Variants in TFEB observed in about 807,000 individuals in gnomAD.
TFEB encodes transcription factor EB.
A neutral mutation model predicts 48.0 loss-of-function variants in TFEB; 12 were observed. That is an observed-to-expected ratio of 0.25 (90% confidence interval 0.16 to 0.40). The LOEUF is 0.40. Among genes scored for constraint, TFEB ranks in the 10% least tolerant of loss-of-function variants. The pLI is 1.00. For synonymous variants in TFEB, 244 were observed against 261.4 expected (o/e 0.93, Z 0.64); for missense variants, 509 against 640.3 (o/e 0.79, Z 2.21).
rs374861069 is a variant in TFEB at position 41,686,132 on chromosome 6, G to A, written c.909C>T (p.Arg303=). 8.7e-6 allele frequency: 14 copies of A among 1,614,244 alleles called. No individual in the cohort carries two copies. The highest frequency in any genetic ancestry group is 9.3e-6 in the Non-Finnish European group (11 of 1,180,044). Residue 303 remains arginine, a synonymous_variant, in exon 8 of 9, where the codon CGC becomes CGT. Transcript: ENST00000373033. ...GCTGCTTGTTGGTCATCTCCAGGCG[G>A]CGAGAGTGGTTCTCCAGCTCCCTGG... ...QKSRELENHS[R]RLEMTNKQLW... is the part of the protein sequence containing the mutation.
In TFEB at chr6:41,697,806, A is replaced by G. The variant is rs555462258; in HGVS notation, c.-22-6571T>C. 1.0e-3 allele frequency among the ~76,000 whole-genome samples: 154 copies of G among 152,322 alleles called. 1 individual carries two copies. Among genetic ancestry groups the G allele is most frequent in the African/African-American group, 3.6e-3 (151 of 41,568 alleles). On this transcript the variant is annotated intron_variant, in intron 1 of 8. Coordinates refer to ENST00000373033, the MANE Select transcript of TFEB (RefSeq NM_001271944.2). ...CTCCTGATGGACTGCTATACTTACA[A>G]TAAATAACATGAGGATATGTCAGGT... is the stretch of plus-strand genomic sequence containing the variant.
intron 1 of TFEB, among the ~76,000 whole-genome samples, chr6:41,729,770 C>T (rs1274555242): frequency 6.6e-6 from 1 of 152,184 alleles, no homozygotes; most frequent in Non-Finnish European, 1.5e-5. Flanking sequence ...GTAGAGGGGA[C>T]ACCAAATTTT....
Position 41,723,517 on chromosome 6 carries a change from G to A in TFEB, c.-23+11833C>T, listed in dbSNP as rs1252770466. 7.8e-7 allele frequency: 1 copy of A among 1,288,398 alleles called. No homozygotes were observed. Among genetic ancestry groups the A allele is most frequent in the East Asian group, 5.6e-5 (1 of 17,998 alleles). The allele number at this position is 1,288,398 out of a possible 1,614,324, so 79.8% of individuals were successfully genotyped here. The stretch of plus-strand genomic sequence containing the variant: ...CCTGGAATGCTCAGCTCCTCCAGGG[G>A]CCGGAGCCCAGGGCCGCACCCCAGC... On this transcript the variant is annotated intron_variant, in intron 1 of 8. Coordinates refer to ENST00000373033, the MANE Select transcript of TFEB (RefSeq NM_001271944.2). This position sits in a 1 kb window ranked among gnomAD's most constrained non-coding sequence, Gnocchi z 6.0.
intron 1 of TFEB, among the ~76,000 whole-genome samples, chr6:41,705,409 G>A (rs1423997207): frequency 6.6e-6 from 1 of 152,190 alleles, no homozygotes; most frequent in Non-Finnish European, 1.5e-5. Flanking sequence ...TCCTCACCAG[G>A]TTGCTGGGGG....
At position 41,730,431 on chromosome 6, in the gene TFEB, C is replaced by G. The variant is rs551697537; in HGVS notation, c.-23+4919G>C. Among the ~76,000 whole-genome samples the G allele has an allele frequency of 1.2e-4, 18 of 152,326 alleles. No individual in the cohort carries two copies. The highest frequency in any genetic ancestry group is 2.4e-4 in the Non-Finnish European group (16 of 68,032). On this transcript the variant is annotated intron_variant, in intron 1 of 8. Coordinates refer to ENST00000373033, the MANE Select transcript of TFEB (RefSeq NM_001271944.2). This position sits in a 1 kb window ranked among gnomAD's most constrained non-coding sequence, Gnocchi z 4.1. ...GGGACCACTGCTGAATGCATAAGAG[C>G]CAACCAGGTGGCCTGCATGGCCTGG...
intron 1 of TFEB, among the ~76,000 whole-genome samples, chr6:41,709,486 T>A (rs1770385457): frequency 6.6e-6 from 1 of 152,112 alleles, no homozygotes; most frequent in Non-Finnish European, 1.5e-5. Flanking sequence ...GATGCATGCA[T>A]AAATGGATGG....
intron 1 of TFEB, among the ~76,000 whole-genome samples, chr6:41,697,512 C>CCT (rs397701305): frequency 6.7e-6 from 1 of 150,192 alleles, no homozygotes; most frequent in East Asian, 1.9e-4. Flanking sequence ...AACCCCCCCC[C>CCT]TTCCCCAAGT....
rs1768920544 is a variant in TFEB, at chr6:41,684,958, C to T, written c.1072G>A (p.Glu358Lys). 6.3e-7 allele frequency: 1 copy of T among 1,583,928 alleles called. No homozygotes were observed. Among genetic ancestry groups the T allele is most frequent in the Admixed American group, 1.8e-5 (1 of 55,752 alleles). ...ACCTCAGCCCCCAGCATCAGGGCCT[C>T]CCCTGGGCCCTCTTCGCTAGGCAGC... Reference protein sequence around the residue: ...QELPSEEGPGEALMLGAEVPD... With the variant: ...QELPSEEGPGKALMLGAEVPD... Residue 358 changes from glutamate (E) to lysine (K), a missense_variant, in exon 9 of 9, where the codon GAG becomes AAG. Glu to Lys is a moderately conservative substitution (Grantham distance 56). This residue lies in a region of TFEB where 168 missense variants were observed against 161.0 expected (regional missense o/e 1.04). Coordinates refer to ENST00000373033, the MANE Select transcript of TFEB (RefSeq NM_001271944.2).
At chr6:41,703,522 C>T (rs1483316583) in intron 1 of TFEB, among the ~76,000 whole-genome samples, 2 of 152,284 alleles carry the variant, frequency 1.3e-5, no homozygotes, top group Admixed American at 6.5e-5. Context: ...CTGTAAAGAA[C>T]GATTCCCTGG....
chr6:41,717,036 T>A (rs1462705975), intron 1 of TFEB, among the ~76,000 whole-genome samples: 3 of 152,232 alleles, frequency 2.0e-5, no homozygotes, highest in Non-Finnish European at 4.4e-5. Context: ...GGGAACTCCC[T>A]GCTCCAGGCA....
rs1280399008 is a variant in TFEB, at chr6:41,691,379, C to T, written c.-22-144G>A. 1 of 877,766 alleles carries T rather than the reference C, an allele frequency of 1.1e-6. No individual in the cohort carries two copies. The highest frequency in any genetic ancestry group is 1.9e-6 in the Non-Finnish European group (1 of 532,858). The allele number at this position is 877,766 out of a possible 1,614,324, so 54.4% of individuals were successfully genotyped here. A position where few individuals can be genotyped will look rare whatever the true frequency, so the allele number is the denominator to read the frequency against. On this transcript the variant is annotated intron_variant, in intron 1 of 8. Coordinates refer to ENST00000373033, the MANE Select transcript of TFEB (RefSeq NM_001271944.2). This position sits in a 1 kb window ranked among gnomAD's most constrained non-coding sequence, Gnocchi z 5.2. The stretch of plus-strand genomic sequence containing the variant: ...GCCCTGAGAGGGGAAGAGATTTGCC[C>T]AAGGTCACTGAGCAAGCGGGTGACA...
chr6:41,728,148 G>A (rs570647508), intron 1 of TFEB, among the ~76,000 whole-genome samples: 4 of 152,336 alleles, frequency 2.6e-5, no homozygotes, highest in African/African-American at 4.8e-5. Context: ...CTAGCTTCTC[G>A]CATTCTGCTC....
In TFEB at chr6:41,734,526, C is replaced by CG. The variant is rs1255687472; in HGVS notation, c.-23+823dup. 3.0e-5 allele frequency: 2 copies of CG among 67,702 alleles called. No homozygotes were observed. The highest frequency in any genetic ancestry group is 2.7e-4 in the Admixed American group (1 of 3,736). 4.2% of individuals were successfully genotyped at this position (67,702 alleles called of 1,614,324 possible). On this transcript the variant is annotated intron_variant, in intron 1 of 8. Transcript: ENST00000373033. This position sits in a 1 kb window ranked among gnomAD's most constrained non-coding sequence, Gnocchi z 4.0. ...GGTGGGCGGCACGGACTCGGGGGAT[C>CG]GGGGGGAAGGGGGCGTGTTTTCCGG...
At chr6:41,697,886 TA>T (rs1769693077) in intron 1 of TFEB, among the ~76,000 whole-genome samples, 2 of 152,200 alleles carry the variant, frequency 1.3e-5, no homozygotes, top group South Asian at 2.1e-4. Context: ...CATCACAATG[TA>T]AAAATATGTA....
In TFEB at chr6:41,684,512, G is replaced by C. The variant is rs1047672029; in HGVS notation, c.*87C>G. 220 of 1,464,442 alleles carry C rather than the reference G, an allele frequency of 1.5e-4. No homozygotes were observed. The highest frequency in any genetic ancestry group is 1.9e-4 in the Non-Finnish European group (215 of 1,107,598). The allele number at this position is 1,464,442 out of a possible 1,614,324, so 90.7% of individuals were successfully genotyped here. A position where few individuals can be genotyped will look rare whatever the true frequency, so the allele number is the denominator to read the frequency against. ...AGGGCAGGTGGCTACTTCACACACA[G>C]TGCAGCCTGAAGGGTGGGAGGGAGG... On this transcript the variant is annotated 3_prime_UTR_variant, in exon 9 of 9. Coordinates refer to ENST00000373033, the MANE Select transcript of TFEB (RefSeq NM_001271944.2).
chr6:41,686,933 T>C (rs1769041185), intron 7 of TFEB, 161 bp downstream of exon 7: 11 of 681,042 alleles, frequency 1.6e-5, no homozygotes, highest in Non-Finnish European at 5.1e-6. Flanking sequence ...TTCCTGATTC[T>C]TTCCTGATTT....
intron 1 of TFEB, chr6:41,733,958 C>T (rs1771559267): frequency 1.2e-6 from 1 of 835,772 alleles, no homozygotes; most frequent in Non-Finnish European, 1.4e-6. Flanking sequence ...GGTGCAGGGG[C>T]CTGAGGCCAC....
chr6:41,703,110 C>G (rs1326765243), intron 1 of TFEB, among the ~76,000 whole-genome samples: 1 of 152,238 alleles, frequency 6.6e-6, no homozygotes, highest in Admixed American at 6.5e-5. Flanking sequence ...TAGGATCCAG[C>G]CTTTGCTTTT....
At chr6:41,700,294 G>A (rs1311214140) in intron 1 of TFEB, among the ~76,000 whole-genome samples, 1 of 152,000 alleles carries the variant, frequency 6.6e-6, no homozygotes, top group Non-Finnish European at 1.5e-5. Context: ...GTGAAACCCC[G>A]TCTCTACTAA....
Sources: gnomAD v4.1 joint callset for allele counts (sites outside exome capture counted in the v4.1 genomes callset) on GRCh38, gnomAD v4.1.1 for gene constraint, gnomAD v4.1.1 regional missense constraint, Gnocchi (gnomAD v3.1) non-coding constraint, MANE v1.5 for transcripts, NCBI Gene and HGNC (gene_info 2026-07-23, HGNC 2026-07-21) for gene names.